The following TRIM32 variants were observed in gnomAD, a reference collection of about 807,000 sequenced individuals.
The protein encoded by TRIM32 is tripartite motif containing 32, also known as E3 ubiquitin-protein ligase TRIM32.
TRIM32 carries 19 observed loss-of-function variants against 36.0 expected under a neutral mutation model. The ratio of observed to expected loss-of-function variants is 0.53; its 90% CI spans 0.37 to 0.77. The LOEUF (loss-of-function observed/expected upper bound fraction) is 0.77, where lower values mean the gene tolerates loss of function less well. Among genes scored for constraint, TRIM32 ranks in the 30% least tolerant of loss-of-function variants. The probability of loss-of-function intolerance (pLI) is 0.00; values close to 1 mark genes in which losing one functional copy is unlikely to be tolerated. For synonymous variants in TRIM32, 309 were observed against 318.5 expected, an observed-to-expected ratio of 0.97 and a Z score of 0.32; for missense variants, 747 against 845.2, an observed-to-expected ratio of 0.88 and a Z score of 1.44.
At chr9:116,691,065 G>C (rs1471921933) in intron 1 of TRIM32, among the ~76,000 whole-genome samples, 1 of 152,086 alleles carries the variant, frequency 6.6e-6, no homozygotes, top group Non-Finnish European at 1.5e-5. Context: ...GACCACAAGT[G>C]CATGCCACCA....
chr9:116,699,792 T>G lies in TRIM32; in HGVS notation c.*88T>G. ...TGTTAGTGGCACATGCAGAATAGAC[T>G]CAGCCTATGTCCTGATTCCAGCTGG... On this transcript the variant is annotated 3_prime_UTR_variant, in exon 2 of 2. Transcript: ENST00000450136. The surrounding 1 kb of genome is among the most constrained non-coding windows in gnomAD (Gnocchi z 4.2). 6.4e-7 allele frequency: 1 copy of G among 1,569,258 alleles called. No homozygotes were observed. Among genetic ancestry groups the G allele is most frequent in the East Asian group, 2.2e-5 (1 of 44,502 alleles).
chr9:116,689,415 A>AT (rs1283143545), intron 1 of TRIM32, among the ~76,000 whole-genome samples: 1 of 152,170 alleles, frequency 6.6e-6, no homozygotes, highest in African/African-American at 2.4e-5. Flanking sequence ...AAATCTAGTA[A>AT]TTTTTAGTCT....
intron 1 of TRIM32, among the ~76,000 whole-genome samples, chr9:116,690,979 G>T (rs1860537004): frequency 6.6e-6 from 1 of 152,110 alleles, no homozygotes; most frequent in South Asian, 2.1e-4. Flanking sequence ...GAGTGCAGTG[G>T]TGCAATCACA....
chr9:116,691,575 G>A (rs1860567309), intron 1 of TRIM32, among the ~76,000 whole-genome samples: 2 of 152,174 alleles, frequency 1.3e-5, no homozygotes, highest in Admixed American at 1.3e-4. Flanking sequence ...CTTCCTTCTG[G>A]ATCGTTTTGT....
In TRIM32 at chr9:116,698,067, C is replaced by T. The variant is rs776796546; in HGVS notation, c.325C>T (p.Arg109Trp). 37 of 1,613,920 alleles carry T rather than the reference C, an allele frequency of 2.3e-5. No individual in the cohort carries two copies. Among genetic ancestry groups the T allele is most frequent in the Non-Finnish European group, 2.9e-5 (34 of 1,180,042 alleles). Residue 109 changes from arginine to tryptophan, a missense_variant, in exon 2 of 2, where the codon CGG (arginine) becomes TGG (tryptophan). Transcript: ENST00000450136. This position sits in a 1 kb window ranked among gnomAD's most constrained non-coding sequence, Gnocchi z 4.4. Reference protein sequence around the residue: ...MCRSCGRRLPRQFCRSCGLVL... With the variant: ...MCRSCGRRLPWQFCRSCGLVL... ...TCGGTCCTGTGGGCGGCGTCTGCCCCGGCAATTCTGCCGGAGCTGTGGTTT... is the reference window on the plus strand; with the variant it reads ...TCGGTCCTGTGGGCGGCGTCTGCCCTGGCAATTCTGCCGGAGCTGTGGTTT...
chr9:116,699,700 C>A lies in TRIM32; in HGVS notation c.1958C>A (p.Pro653Gln). ...YSYHLRRYST[P>Q] ...TACCATCTGAGAAGATATTCCACCC[C>A]ATAGGGGATGAGAAATTATCAGTTT... Residue 653 changes from proline to glutamine, a missense_variant, in exon 2 of 2, where the codon CCA (proline) becomes CAA (glutamine). Pro to Gln is a moderately conservative substitution (Grantham distance 76, BLOSUM62 -1). Coordinates refer to ENST00000450136, the MANE Select transcript of TRIM32 (RefSeq NM_012210.4). The surrounding 1 kb of genome is among the most constrained non-coding windows in gnomAD (Gnocchi z 4.2). The A allele has an allele frequency of 6.2e-7, 1 of 1,614,216 alleles. No individual in the cohort carries two copies. Among genetic ancestry groups the A allele is most frequent in the Non-Finnish European group, 8.5e-7 (1 of 1,180,042 alleles).
Position 116,698,115 on chromosome 9 carries a change from G to C in TRIM32, c.373G>C (p.Glu125Gln). ...TTTGGTGTTATGTGAGCCCTGCCGG[G>C]AGGCAGACCATCAGCCTCCTGGCCA... ...CGLVLCEPCR[E>Q]ADHQPPGHCT... The change falls in exon 2 of 2, where the codon GAG (glutamate) becomes CAG (glutamine). Residue 125 changes from glutamate (E) to glutamine (Q), a missense_variant. Physicochemically the swap from Glu to Gln is conservative, Grantham distance 29 (BLOSUM62 2). Coordinates refer to ENST00000450136, the MANE Select transcript of TRIM32 (RefSeq NM_012210.4). This position sits in a 1 kb window ranked among gnomAD's most constrained non-coding sequence, Gnocchi z 4.4. 2 of 1,614,118 alleles carry C rather than the reference G, an allele frequency of 1.2e-6. No homozygotes were observed. The highest frequency in any genetic ancestry group is 1.7e-6 in the Non-Finnish European group (2 of 1,180,044).
rs757752867 is a variant in TRIM32, at chr9:116,698,933, C to G, written c.1191C>G (p.Val397=). Residue 397 remains valine, a synonymous_variant, in exon 2 of 2, where the codon GTC becomes GTG. Coordinates refer to ENST00000450136, the MANE Select transcript of TRIM32 (RefSeq NM_012210.4). This position sits in a 1 kb window ranked among gnomAD's most constrained non-coding sequence, Gnocchi z 4.4. ...ACCGTGGTAACTATCGTATACAAGTCTTTACCCGCAAAGGCTTTTTGAAGG... is the reference window on the plus strand; with the variant it reads ...ACCGTGGTAACTATCGTATACAAGTGTTTACCCGCAAAGGCTTTTTGAAGG... ...VADRGNYRIQ[V]FTRKGFLKEI... 41 of 1,614,088 alleles carry G rather than the reference C, an allele frequency of 2.5e-5. No individual in the cohort carries two copies. The highest frequency in any genetic ancestry group is 3.4e-5 in the Non-Finnish European group (40 of 1,180,050).
At chr9:116,691,087 C>CT (rs1860543317) in intron 1 of TRIM32, among the ~76,000 whole-genome samples, 1 of 152,106 alleles carries the variant, frequency 6.6e-6, no homozygotes, top group Admixed American at 6.5e-5. Context: ...ACCTGATTAT[C>CT]TTTTAAATTT....
At chr9:116,694,662 G>T (rs1235868722) in intron 1 of TRIM32, among the ~76,000 whole-genome samples, 1 of 147,896 alleles carries the variant, frequency 6.8e-6, no homozygotes, top group African/African-American at 2.5e-5. Context: ...TAGTAGAGAC[G>T]GAGTTTCACC....
At chr9:116,689,934 T>A (rs1382324764) in intron 1 of TRIM32, among the ~76,000 whole-genome samples, 2 of 152,012 alleles carry the variant, frequency 1.3e-5, no homozygotes, top group African/African-American at 4.8e-5. Context: ...TGAAGGAGAG[T>A]AACTACTGTT....
Position 116,699,866 on chromosome 9 carries a change from A to C in TRIM32, c.*162A>C. The C allele has an allele frequency of 1.1e-6, 1 of 948,724 alleles. No homozygotes were observed. Among genetic ancestry groups the C allele is most frequent in the Non-Finnish European group, 1.6e-6 (1 of 629,708 alleles). 58.8% of individuals were successfully genotyped at this position (948,724 alleles called of 1,614,324 possible). ...CCATCTTTTAATGTTTTTATTTGTT[A>C]TGTCCCCCTCCCCGCTTCCCACCTA... On this transcript the variant is annotated 3_prime_UTR_variant, in exon 2 of 2. Coordinates refer to ENST00000450136, the MANE Select transcript of TRIM32 (RefSeq NM_012210.4). This position sits in a 1 kb window ranked among gnomAD's most constrained non-coding sequence, Gnocchi z 4.2.
At position 116,688,851 on chromosome 9, in the gene TRIM32, A is replaced by T. The variant is rs541449335; in HGVS notation, c.-82+1470A>T. Among the ~76,000 whole-genome samples, 4 of 151,952 alleles carry T rather than the reference A, an allele frequency of 2.6e-5. No individual in the cohort carries two copies. The South Asian group carries it at 8.3e-4, about 32-fold the overall frequency. Reference sequence around the variant, plus strand: ...GTGAGTGAGGTGTTTGGGCTCGGAGACAGACAAAACAACAACAACAACCAC... The same window carrying T: ...GTGAGTGAGGTGTTTGGGCTCGGAGTCAGACAAAACAACAACAACAACCAC... On this transcript the variant is annotated intron_variant, in intron 1 of 1. Transcript: ENST00000450136.
At chr9:116,693,044 A>G (rs1860652138) in intron 1 of TRIM32, among the ~76,000 whole-genome samples, 1 of 152,194 alleles carries the variant, frequency 6.6e-6, no homozygotes, top group Non-Finnish European at 1.5e-5. Flanking sequence ...ATGCCTTTAT[A>G]TGCCATGAAA....
rs770015462 is a variant in TRIM32 at position 116,698,072 on chromosome 9, A to G, written c.330A>G (p.Gln110=). 3.3e-5 allele frequency: 53 copies of G among 1,613,964 alleles called. No homozygotes were observed. The highest frequency in any genetic ancestry group is 2.0e-4 in the Admixed American group (12 of 60,008). The change falls in exon 2 of 2, where the codon CAA becomes CAG. Residue 110 remains glutamine, a synonymous_variant. Coordinates refer to ENST00000450136, the MANE Select transcript of TRIM32 (RefSeq NM_012210.4). This position sits in a 1 kb window ranked among gnomAD's most constrained non-coding sequence, Gnocchi z 4.4. ...CCTGTGGGCGGCGTCTGCCCCGGCA[A>G]TTCTGCCGGAGCTGTGGTTTGGTGT... is the stretch of plus-strand genomic sequence containing the variant. The part of the protein sequence containing the change: ...CRSCGRRLPR[Q]FCRSCGLVLC...
In TRIM32 at chr9:116,698,230, T is replaced by C. The variant is rs775940650; in HGVS notation, c.488T>C (p.Leu163Pro). The part of the protein sequence containing the change: ...LTRLRELMGE[L>P]QRRKAALEGV... ...CGTCTGCGGGAACTTATGGGGGAGC[T>C]GCAGCGGCGGAAGGCAGCCTTGGAA... The change falls in exon 2 of 2, where the codon CTG (leucine) becomes CCG (proline). Residue 163 changes from leucine to proline, a missense_variant. By Grantham distance (98) the Leu-to-Pro change is moderately conservative. Transcript: ENST00000450136. This position sits in a 1 kb window ranked among gnomAD's most constrained non-coding sequence, Gnocchi z 4.4. The C allele has an allele frequency of 6.8e-6, 11 of 1,614,112 alleles. No individual in the cohort carries two copies. The South Asian group carries it at 9.9e-5, about 14-fold the overall frequency.
chr9:116,698,873 C>G lies in TRIM32; in HGVS notation c.1131C>G (p.Leu377=). 6.2e-7 allele frequency: 1 copy of G among 1,614,232 alleles called. No individual in the cohort carries two copies. The change falls in exon 2 of 2, where the codon CTC becomes CTG. Residue 377 remains leucine, a synonymous_variant. Coordinates refer to ENST00000450136, the MANE Select transcript of TRIM32 (RefSeq NM_012210.4). The surrounding 1 kb of genome is among the most constrained non-coding windows in gnomAD (Gnocchi z 4.4). The part of the protein sequence containing the change: ...TPGMFNLPVS[L]YVTSQGEVLV... ...GAATGTTCAATCTTCCAGTCAGTCTCTACGTGACCAGTCAAGGTGAAGTAC... is the reference window on the plus strand; with the variant it reads ...GAATGTTCAATCTTCCAGTCAGTCTGTACGTGACCAGTCAAGGTGAAGTAC...
At chr9:116,694,693 G>C (rs981780880) in intron 1 of TRIM32, among the ~76,000 whole-genome samples, 1 of 147,678 alleles carries the variant, frequency 6.8e-6, no homozygotes, top group Non-Finnish European at 1.5e-5. Context: ...GGATGGTCTC[G>C]ATCTCCTGAC....
chr9:116,698,551 C>G lies in TRIM32; in HGVS notation c.809C>G (p.Pro270Arg), dbSNP rs1861004120. ...EEEPELTASL[P>R]RELTLQDVEL... ...GAGCCAGAGCTCACTGCCAGCTTGC[C>G]TCGGGAGCTCACCCTGCAAGATGTG... Residue 270 changes from proline (P) to arginine (R), a missense_variant, in exon 2 of 2, where the codon CCT (proline) becomes CGT (arginine). Transcript: ENST00000450136. This position sits in a 1 kb window ranked among gnomAD's most constrained non-coding sequence, Gnocchi z 4.4. 9.3e-6 allele frequency: 15 copies of G among 1,613,770 alleles called. No homozygotes were observed. Among genetic ancestry groups the G allele is most frequent in the Non-Finnish European group, 1.3e-5 (15 of 1,180,014 alleles).
Sources: gnomAD v4.1 joint callset for allele counts (sites outside exome capture counted in the v4.1 genomes callset) on GRCh38, gnomAD v4.1.1 for gene constraint, Gnocchi (gnomAD v3.1) non-coding constraint, MANE v1.5 for transcripts, NCBI Gene and HGNC (gene_info 2026-07-23, HGNC 2026-07-21) for gene names.